Variants in RAPGEF6 observed in about 807,000 individuals in gnomAD.
RAPGEF6 encodes the protein PDZ domain containing guanine nucleotide exchange factor (GEF) 2.
In RAPGEF6, 56 loss-of-function variants were observed where a neutral mutation model predicts 171.4. That is an observed-to-expected ratio of 0.33 (90% CI 0.26 to 0.41). The LOEUF (loss-of-function observed/expected upper bound fraction) is 0.41. Among genes scored for constraint, RAPGEF6 ranks in the 10% least tolerant of loss-of-function variants. The pLI, the probability that RAPGEF6 is intolerant of heterozygous loss-of-function variation, is 1.00. For missense variants in RAPGEF6, 1,674 were observed against 1,921.4 expected (o/e 0.87, Z 2.41); for synonymous variants, 692 against 650.1 (o/e 1.06, Z -0.98).
chr5:131,607,688 C>T (rs930128265), intron 1 of RAPGEF6, among the ~76,000 whole-genome samples: 4 of 152,088 alleles, frequency 2.6e-5, no homozygotes, highest in Admixed American at 2.6e-4. Flanking sequence ...GTGACTGGTA[C>T]CCTTAGAGTC....
At chr5:131,603,964 G>C (rs1764400068) in intron 2 of RAPGEF6, among the ~76,000 whole-genome samples, 1 of 152,020 alleles carries the variant, frequency 6.6e-6, no homozygotes, top group African/African-American at 2.4e-5. Flanking sequence ...ATATTATATA[G>C]TTAAGTGTTT....
At chr5:131,626,802 G>A (rs946350929) in intron 1 of RAPGEF6, among the ~76,000 whole-genome samples, 2 of 152,106 alleles carry the variant, frequency 1.3e-5, no homozygotes, top group African/African-American at 4.8e-5. Flanking sequence ...CCATATCTCA[G>A]TTTAAGCGGG....
rs1008975669 is a variant in RAPGEF6, at chr5:131,424,306, C to A, written c.*2960G>T. 4.6e-5 allele frequency: 7 copies of A among 152,262 alleles called. No homozygotes were observed. Among genetic ancestry groups the A allele is most frequent in the African/African-American group, 1.7e-4 (7 of 41,424 alleles). The allele number at this position is 152,262 out of a possible 1,614,324, so 9.4% of individuals were successfully genotyped here. On this transcript the variant is annotated 3_prime_UTR_variant, in exon 28 of 28. Transcript: ENST00000509018. ...ATGCACAACAAAAGTCAAAGATGAACCAGGATTCAAGTTTAAATTTGAACA... is the reference window on the plus strand; with the variant it reads ...ATGCACAACAAAAGTCAAAGATGAAACAGGATTCAAGTTTAAATTTGAACA...
At chr5:131,606,464 CT>C (rs1425067613) in intron 1 of RAPGEF6, among the ~76,000 whole-genome samples, 13 of 151,616 alleles carry the variant, frequency 8.6e-5, no homozygotes, top group African/African-American at 3.2e-4. Flanking sequence ...CTGCTAAATC[CT>C]TACTAAAGTA....
intron 17 of RAPGEF6, among the ~76,000 whole-genome samples, chr5:131,471,735 T>C (rs1460653507): frequency 7.0e-6 from 1 of 143,270 alleles, no homozygotes; most frequent in African/African-American, 2.5e-5. Context: ...AAGACATGAA[T>C]AGACGCAAAA....
At chr5:131,578,380 T>C (rs554489684) in intron 4 of RAPGEF6, among the ~76,000 whole-genome samples, 1 of 152,294 alleles carries the variant, frequency 6.6e-6, no homozygotes, top group East Asian at 1.9e-4. Context: ...CCCCACTCTA[T>C]AGGCTGACTG....
chr5:131,528,323 A>ATATATATAT (rs1561538362), intron 6 of RAPGEF6, among the ~76,000 whole-genome samples: 16 of 109,348 alleles, frequency 1.5e-4, no homozygotes, highest in African/African-American at 3.6e-4. Flanking sequence ...TTATATATAT[A>ATATATATAT]TATATATATA....
At position 131,448,642 on chromosome 5, in the gene RAPGEF6, T is replaced by C. The variant is rs182862594; in HGVS notation, c.3201-1939A>G. On this transcript the variant is annotated intron_variant, in intron 21 of 27. Transcript: ENST00000509018. ...CTAGGAGACACAAAATTCTAACAAA[T>C]AAAAACACTGTGATAAACGTCGATA... Among the ~76,000 whole-genome samples, 254 of 152,162 alleles carry C rather than the reference T, an allele frequency of 1.7e-3. 2 individuals are homozygous for C. Among genetic ancestry groups the C allele is most frequent in the African/African-American group, 5.9e-3 (245 of 41,534 alleles).
chr5:131,464,362 T>C, intron 17 of RAPGEF6, 81 bp from the exon 18 acceptor site: 1 of 1,029,730 alleles, frequency 9.7e-7, no homozygotes, highest in Middle Eastern at 2.8e-4. Context: ...TGAAACACAG[T>C]GATCCCTCTG....
At chr5:131,526,239 G>A (rs886781383) in intron 6 of RAPGEF6, among the ~76,000 whole-genome samples, 1 of 152,064 alleles carries the variant, frequency 6.6e-6, no homozygotes, top group Non-Finnish European at 1.5e-5. Context: ...TTACACAATG[G>A]GAATAATGAT....
chr5:131,535,238 T>C (rs887106774), intron 6 of RAPGEF6, among the ~76,000 whole-genome samples: 14 of 152,126 alleles, frequency 9.2e-5, no homozygotes, highest in Non-Finnish European at 2.1e-4. Context: ...TGTGTAACAA[T>C]ACTAAGAAAA....
intron 1 of RAPGEF6, among the ~76,000 whole-genome samples, chr5:131,631,946 C>T (rs914446248): frequency 6.6e-6 from 1 of 151,962 alleles, no homozygotes; most frequent in Admixed American, 6.6e-5. Flanking sequence ...CGTGTTGGCA[C>T]ACACCTGTAG....
chr5:131,553,238 A>T (rs1561557289), intron 5 of RAPGEF6, among the ~76,000 whole-genome samples: 1 of 152,230 alleles, frequency 6.6e-6, no homozygotes, highest in Non-Finnish European at 1.5e-5. Context: ...AGCAAACTCA[A>T]GGACAAAGTA....
At position 131,635,053 on chromosome 5, in the gene RAPGEF6, A is replaced by G; in HGVS notation, c.-23T>C. The stretch of plus-strand genomic sequence containing the variant: ...CATGGCCACGGCCCGGGTACTCCGC[A>G]GCCTGCCCTTAGCAGCCCACGCCAC... On this transcript the variant is annotated 5_prime_UTR_variant, in exon 1 of 28. Transcript: ENST00000509018. 7.5e-6 allele frequency: 12 copies of G among 1,594,548 alleles called. No homozygotes were observed. The highest frequency in any genetic ancestry group is 1.0e-5 in the Non-Finnish European group (12 of 1,166,492).
intron 1 of RAPGEF6, among the ~76,000 whole-genome samples, chr5:131,627,082 C>T (rs1765979007): frequency 6.6e-6 from 1 of 152,086 alleles, no homozygotes; most frequent in African/African-American, 2.4e-5. Flanking sequence ...TAAAAAGATT[C>T]AGGGGACAAA....
At chr5:131,555,627 C>T (rs1278131429) in intron 5 of RAPGEF6, among the ~76,000 whole-genome samples, 1 of 151,754 alleles carries the variant, frequency 6.6e-6, no homozygotes, top group Non-Finnish European at 1.5e-5. Flanking sequence ...TCATAATATA[C>T]ACATAAATAT....
intron 5 of RAPGEF6, among the ~76,000 whole-genome samples, chr5:131,554,884 A>C (rs567885194): frequency 6.6e-6 from 1 of 152,254 alleles, no homozygotes; most frequent in East Asian, 1.9e-4. Flanking sequence ...TTCTACAAGA[A>C]TATGGTGGGG....
chr5:131,545,362 C>T (rs950538844), intron 6 of RAPGEF6, among the ~76,000 whole-genome samples: 5 of 151,358 alleles, frequency 3.3e-5, no homozygotes, highest in African/African-American at 1.2e-4. Flanking sequence ...TTTTTTTTAC[C>T]CTTCAGCACT....
Position 131,508,132 on chromosome 5 carries a change from G to C in RAPGEF6, c.881C>G (p.Ser294Ter). 1 of 1,613,420 alleles carries C rather than the reference G, an allele frequency of 6.2e-7. No homozygotes were observed. Among genetic ancestry groups the C allele is most frequent in the South Asian group, 1.1e-5 (1 of 91,020 alleles). Reference protein sequence around the residue: ...MTMSVRRELCSVMIFEVVEQA... With the variant: ...MTMSVRRELC ...CTCTACCACTTCAAAAATCATCACT[G>C]AGCAGAGTTCTCTCCTTACAGACAT... Residue 294 changes from serine (S) to a stop codon, truncating the protein, a stop_gained, in exon 9 of 28, where the codon TCA (serine) becomes TGA (stop). Coordinates refer to ENST00000509018, the MANE Select transcript of RAPGEF6 (RefSeq NM_016340.6). LOFTEE classifies it high-confidence loss of function.
Sources: gnomAD v4.1 joint callset for allele counts (sites outside exome capture counted in the v4.1 genomes callset) on GRCh38, gnomAD v4.1.1 for gene constraint, MANE v1.5 for transcripts, NCBI Gene and HGNC (gene_info 2026-07-23, HGNC 2026-07-21) for gene names.